The following KAT2B variants were observed in gnomAD, a reference collection of about 807,000 sequenced individuals.
The protein encoded by KAT2B is lysine acetyltransferase 2B.
KAT2B carries 36 observed loss-of-function variants against 105.9 expected under a neutral mutation model. The observed-to-expected ratio is 0.34, with a 90% confidence interval of 0.26 to 0.45. The LOEUF (loss-of-function observed/expected upper bound fraction) is 0.45, where lower values mean the gene tolerates loss of function less well. Among genes scored for constraint, KAT2B ranks in the 20% least tolerant of loss-of-function variants. The probability of loss-of-function intolerance (pLI) is 1.00; values close to 1 mark genes in which losing one functional copy is unlikely to be tolerated. For synonymous variants in KAT2B, 397 were observed against 377.9 expected (o/e 1.05, Z -0.59); for missense variants, 820 against 1,021.6 (o/e 0.80, Z 2.69).
chr3:20,050,787 T>A (rs1242120680), intron 1 of KAT2B, among the ~76,000 whole-genome samples: 2 of 151,238 alleles, frequency 1.3e-5, no homozygotes, highest in Non-Finnish European at 2.9e-5. Flanking sequence ...CACTGCAGGA[T>A]CTGCCTCCTG....
At chr3:20,062,076 A>G (rs1250948969) in intron 1 of KAT2B, among the ~76,000 whole-genome samples, 1 of 101,096 alleles carries the variant, frequency 9.9e-6, no homozygotes, top group Non-Finnish European at 1.7e-5. Context: ...TATAAAACAT[A>G]TAATATATAT....
At chr3:20,057,148 T>TG (rs1413751195) in intron 1 of KAT2B, among the ~76,000 whole-genome samples, 1 of 152,084 alleles carries the variant, frequency 6.6e-6, no homozygotes, top group Non-Finnish European at 1.5e-5. Flanking sequence ...AAGAATCAGG[T>TG]GGCCTGGATG....
intron 1 of KAT2B, among the ~76,000 whole-genome samples, chr3:20,063,534 CTTTTTTTT>C (rs36058009): frequency 1.1e-5 from 1 of 88,820 alleles, no homozygotes; most frequent in East Asian, 2.8e-4. Context: ...GAGTAGGCCT[CTTTTTTTT>C]TTTTTTTTTT....
chr3:20,147,765 G>A (rs1699803643), intron 14 of KAT2B, among the ~76,000 whole-genome samples, 198 bp from the exon 15 acceptor site: 1 of 152,156 alleles, frequency 6.6e-6, no homozygotes, highest in Non-Finnish European at 1.5e-5. Context: ...AACATATGGG[G>A]CAGCGTTGTT....
At chr3:20,051,454 C>G (rs139578525) in intron 1 of KAT2B, among the ~76,000 whole-genome samples, 6 of 152,266 alleles carry the variant, frequency 3.9e-5, no homozygotes, top group Non-Finnish European at 8.8e-5. Context: ...TGGAAGATGA[C>G]TAGAGTTGCT....
At chr3:20,072,213 G>A (rs1200886331) in intron 1 of KAT2B, 120 bp from the exon 2 acceptor site, 3 of 1,040,198 alleles carry the variant, frequency 2.9e-6, no homozygotes, top group South Asian at 1.4e-5. Context: ...TATGGCAGAC[G>A]ACAAAGTCAG....
Position 20,140,368 on chromosome 3 carries a change from A to C in KAT2B, c.2004+4A>C, listed in dbSNP as rs2125191922. ...CATCATTAAAAAGCAGAAGGAGGTAAGCAGGTGGTTGACTCCCTTACCTTC... is the reference window on the plus strand; with the variant it reads ...CATCATTAAAAAGCAGAAGGAGGTACGCAGGTGGTTGACTCCCTTACCTTC... On this transcript the variant is annotated splice_donor_region_variant and intron_variant, in intron 13 of 17. Coordinates refer to ENST00000263754, the MANE Select transcript of KAT2B (RefSeq NM_003884.5). 1 of 1,613,472 alleles carries C rather than the reference A, an allele frequency of 6.2e-7. No homozygotes were observed. The highest frequency in any genetic ancestry group is 2.2e-5 in the East Asian group (1 of 44,886).
At chr3:20,147,914 C>G in intron 14 of KAT2B, 49 bp from the exon 15 acceptor site, 1 of 1,577,174 alleles carries the variant, frequency 6.3e-7, no homozygotes, top group Non-Finnish European at 8.7e-7. Flanking sequence ...ATGTTATTCT[C>G]TTGACCAAAA....
chr3:20,062,135 A>ACATAT (rs1491486418), intron 1 of KAT2B, among the ~76,000 whole-genome samples: 1 of 84,802 alleles, frequency 1.2e-5, no homozygotes, highest in African/African-American at 5.7e-5. Flanking sequence ...TATATATAAA[A>ACATAT]TATATAATAT....
At chr3:20,040,985 G>C (rs911645859) in intron 1 of KAT2B, among the ~76,000 whole-genome samples, 1 of 152,164 alleles carries the variant, frequency 6.6e-6, no homozygotes, top group African/African-American at 2.4e-5. Context: ...GAAGAAGGGG[G>C]ATCACTAAGA....
In KAT2B at chr3:20,095,252, C is replaced by G. The variant is rs765305736; in HGVS notation, c.431-11C>G. The G allele has an allele frequency of 6.2e-7, 1 of 1,603,932 alleles. No individual in the cohort carries two copies. Among genetic ancestry groups the G allele is most frequent in the Non-Finnish European group, 8.5e-7 (1 of 1,175,646 alleles). On this transcript the variant is annotated splice_polypyrimidine_tract_variant and intron_variant, in intron 2 of 17. Transcript: ENST00000263754. ...GAGGTCTTACATATGTTTCTTTGAT[C>G]TTATCATAAGCTGCTCATGTTTCCC...
In KAT2B at chr3:20,078,978, G is replaced by T. The variant is rs187307481; in HGVS notation, c.430+6519G>T. Among the ~76,000 whole-genome samples the T allele has an allele frequency of 2.8e-3, 423 of 150,518 alleles. 7 individuals are homozygous for T. Among genetic ancestry groups the T allele is most frequent in the Non-Finnish European group, 3.9e-3 (261 of 67,792 alleles). On this transcript the variant is annotated intron_variant, in intron 2 of 17. Coordinates refer to ENST00000263754, the MANE Select transcript of KAT2B (RefSeq NM_003884.5). ...AGCTCACTGCAACTTCCGCCTCCCA[G>T]GTTCAAGCAATTCTCCTGCCTCAGC... is the stretch of plus-strand genomic sequence containing the variant.
At chr3:20,101,561 T>G (rs1698911232) in intron 5 of KAT2B, 93 bp downstream of exon 5, 4 of 925,174 alleles carry the variant, frequency 4.3e-6, no homozygotes, top group Non-Finnish European at 5.1e-6. Flanking sequence ...GCTGCCTAGT[T>G]ATCATTATGA....
Position 20,040,845 on chromosome 3 carries a change from C to G in KAT2B, c.303+65C>G. 2.7e-5 allele frequency: 40 copies of G among 1,473,986 alleles called. No homozygotes were observed. The South Asian group carries it at 5.1e-4, about 19-fold the overall frequency. The allele number at this position is 1,473,986 out of a possible 1,614,324, so 91.3% of individuals were successfully genotyped here. A position where few individuals can be genotyped will look rare whatever the true frequency, so the allele number is the denominator to read the frequency against. On this transcript the variant is annotated intron_variant, in intron 1 of 17. Transcript: ENST00000263754. ...GGGCCCAGCCCGCGGGACCCCCCTC[C>G]CCCTCCCGCTTCCACCTCCGCCTCC...
intron 1 of KAT2B, among the ~76,000 whole-genome samples, chr3:20,066,264 T>G (rs1024042647): frequency 2.0e-5 from 3 of 152,168 alleles, no homozygotes; most frequent in Non-Finnish European, 4.4e-5. Context: ...ATCTCCTTCT[T>G]CTTTCTCTTA....
chr3:20,106,088 A>T (rs1210860688), intron 5 of KAT2B, among the ~76,000 whole-genome samples: 1 of 152,180 alleles, frequency 6.6e-6, no homozygotes, highest in Non-Finnish European at 1.5e-5. Flanking sequence ...ATTCCTGAAA[A>T]CCACAGGATT....
intron 1 of KAT2B, among the ~76,000 whole-genome samples, chr3:20,048,292 G>T (rs542001181): frequency 7.8e-4 from 119 of 152,322 alleles, no homozygotes; most frequent in Non-Finnish European, 1.1e-3. Context: ...AAAGCCTTCA[G>T]ATTGCAATTT....
rs545262802 is a variant in KAT2B, at chr3:20,141,148, T to G, written c.2004+784T>G. On this transcript the variant is annotated intron_variant, in intron 13 of 17. Coordinates refer to ENST00000263754, the MANE Select transcript of KAT2B (RefSeq NM_003884.5). The stretch of plus-strand genomic sequence containing the variant: ...TTCTCTAGCACCAGTTTGATCCACC[T>G]ATTTGAATTTCAGTTATTCATCTTA... Among the ~76,000 whole-genome samples, 13 of 152,336 alleles carry G rather than the reference T, an allele frequency of 8.5e-5. No homozygotes were observed. In the South Asian group the frequency reaches 2.5e-3, roughly 29 times the overall value.
intron 2 of KAT2B, among the ~76,000 whole-genome samples, chr3:20,080,754 G>A (rs767323005): frequency 2.0e-5 from 3 of 152,170 alleles, no homozygotes; most frequent in Non-Finnish European, 4.4e-5. Context: ...TGCTGTAAGC[G>A]TGAAATGCAC....
Sources: gnomAD v4.1 joint callset for allele counts (sites outside exome capture counted in the v4.1 genomes callset) on GRCh38, gnomAD v4.1.1 for gene constraint, MANE v1.5 for transcripts, NCBI Gene and HGNC (gene_info 2026-07-23, HGNC 2026-07-21) for gene names.